RIMS2: variants seen among roughly 807,000 people sequenced by gnomAD.
The protein encoded by RIMS2 is regulating synaptic membrane exocytosis 2, also known as regulating synaptic membrane exocytosis protein 2.
In RIMS2, 59 loss-of-function variants were observed where a neutral mutation model predicts 174.4. The ratio of observed to expected loss-of-function variants is 0.34; its 90% confidence interval spans 0.27 to 0.42. RIMS2 has a LOEUF of 0.42. Ranked by LOEUF, RIMS2 falls within the 10% of genes least tolerant of loss-of-function variation. The pLI, the probability that RIMS2 is intolerant of heterozygous loss-of-function variation, is 1.00. For synonymous variants in RIMS2, 606 were observed against 572.5 expected, an observed-to-expected ratio of 1.06 and a Z score of -0.84; for missense variants, 1,620 against 1,666.3, an observed-to-expected ratio of 0.97 and a Z score of 0.48.
intron 4 of RIMS2, among the ~76,000 whole-genome samples, chr8:103,896,294 A>G (rs993619707): frequency 6.6e-6 from 1 of 151,642 alleles, no homozygotes; most frequent in African/African-American, 2.4e-5. Flanking sequence ...CTGGTAGCAA[A>G]AAAGCTGCTG....
intron 3 of RIMS2, among the ~76,000 whole-genome samples, chr8:103,771,761 A>AT (rs1260424704): frequency 4.6e-5 from 7 of 151,856 alleles, no homozygotes; most frequent in Admixed American, 6.6e-5. Flanking sequence ...CTCTTTCACT[A>AT]TTTTTTTCCT....
At chr8:103,553,719 A>T (rs1177564144) in intron 1 of RIMS2, among the ~76,000 whole-genome samples, 1 of 152,086 alleles carries the variant, frequency 6.6e-6, no homozygotes, top group Non-Finnish European at 1.5e-5. Flanking sequence ...ATTCATATGG[A>T]ACCAAAAAAG....
chr8:104,188,237 A>AGATGATAGATAGATAGAT (rs1280303732), intron 19 of RIMS2, among the ~76,000 whole-genome samples: 9 of 138,872 alleles, frequency 6.5e-5, no homozygotes, highest in African/African-American at 2.0e-4. Context: ...ATAGATAGAT[A>AGATGATAGATAGATAGAT]GATAGATAGA....
chr8:103,678,073 G>A (rs2096837292), intron 1 of RIMS2, among the ~76,000 whole-genome samples: 1 of 152,098 alleles, frequency 6.6e-6, no homozygotes, highest in African/African-American at 2.4e-5. Context: ...AAACTTATAA[G>A]GAGCCAGCTG....
At chr8:103,532,173 A>G (rs1490951685) in intron 1 of RIMS2, among the ~76,000 whole-genome samples, 1 of 152,196 alleles carries the variant, frequency 6.6e-6, no homozygotes, top group African/African-American at 2.4e-5. Flanking sequence ...ATTGTACACA[A>G]ATATGATCTT....
At chr8:103,509,546 A>G (rs1293917413) in intron 1 of RIMS2, among the ~76,000 whole-genome samples, 1 of 152,094 alleles carries the variant, frequency 6.6e-6, no homozygotes, top group Non-Finnish European at 1.5e-5. Flanking sequence ...TGGAAATGAC[A>G]TGTGGAAGTT....
intron 1 of RIMS2, chr8:103,559,043 A>G (rs28736323): frequency 0.35 from 24,574 of 70,410 alleles, 2,687 homozygotes; most frequent in African/African-American, 0.46. Flanking sequence ...GTGGCCTTTC[A>G]GATATTTTTT....
chr8:103,552,850 C>T (rs1414713451), intron 1 of RIMS2, among the ~76,000 whole-genome samples: 4 of 152,164 alleles, frequency 2.6e-5, no homozygotes, highest in African/African-American at 4.8e-5. Context: ...AAAAAATGCT[C>T]ATCATTACTG....
At chr8:104,223,308 T>A (rs1340157395) in intron 19 of RIMS2, 3 of 941,746 alleles carry the variant, frequency 3.2e-6, no homozygotes, top group East Asian at 1.6e-4. Context: ...ATCAGCGGCA[T>A]CTCCCTGCGC....
intron 19 of RIMS2, among the ~76,000 whole-genome samples, chr8:104,199,395 T>C (rs2099042910): frequency 6.6e-6 from 1 of 152,188 alleles, no homozygotes; most frequent in South Asian, 2.1e-4. Context: ...ATTTTCTTGG[T>C]TTAAATTTCC....
intron 2 of RIMS2, among the ~76,000 whole-genome samples, chr8:103,762,020 ATTT>A (rs201961741): frequency 7.2e-6 from 1 of 139,782 alleles, no homozygotes. Flanking sequence ...CCTAATGTAA[ATTT>A]TTTTTTTTTT....
At position 103,819,414 on chromosome 8, in the gene RIMS2, T is replaced by C. The variant is rs878937865; in HGVS notation, c.698+52877T>C. ...AGCTCAGGAGAAATATGGAACTTGA[T>C]TGGCGTGTTTTTATTTGATGGTGTC... On this transcript the variant is annotated intron_variant, in intron 3 of 23. Transcript: ENST00000504942. The C allele has an allele frequency of 3.2e-6, 5 of 1,582,276 alleles. No homozygotes were observed. In the South Asian group the frequency reaches 4.6e-5, roughly 14 times the overall value.
At chr8:104,167,941 G>A (rs1172211442) in intron 19 of RIMS2, among the ~76,000 whole-genome samples, 2 of 152,004 alleles carry the variant, frequency 1.3e-5, no homozygotes, top group Admixed American at 6.6e-5. Flanking sequence ...CCCAATTTAT[G>A]TTTTTGTTTG....
At chr8:104,170,217 T>G (rs955828903) in intron 19 of RIMS2, among the ~76,000 whole-genome samples, 2 of 152,068 alleles carry the variant, frequency 1.3e-5, no homozygotes, top group East Asian at 3.9e-4. Flanking sequence ...ATTTTTTTGT[T>G]GTTGTTGACT....
At chr8:104,194,546 C>T (rs952467469) in intron 19 of RIMS2, among the ~76,000 whole-genome samples, 1 of 152,038 alleles carries the variant, frequency 6.6e-6, no homozygotes, top group African/African-American at 2.4e-5. Context: ...CAATCTTGCT[C>T]TTGAAGTTCA....
intron 14 of RIMS2, among the ~76,000 whole-genome samples, chr8:103,946,385 A>G (rs2083775697): frequency 6.6e-6 from 1 of 152,074 alleles, no homozygotes; most frequent in South Asian, 2.1e-4. Flanking sequence ...ACAGCTACTC[A>G]GGAAGCTGAA....
chr8:103,661,652 C>T (rs749677931), intron 1 of RIMS2, among the ~76,000 whole-genome samples: 3 of 152,084 alleles, frequency 2.0e-5, no homozygotes, highest in Non-Finnish European at 1.5e-5. Flanking sequence ...TACAGGCACA[C>T]GCCGCCACCC....
chr8:103,930,830 A>G (rs17817125), intron 11 of RIMS2, among the ~76,000 whole-genome samples: 19,285 of 152,116 alleles, frequency 0.13, 1,689 homozygotes, highest in Non-Finnish European at 0.19. Context: ...ACATTTACTT[A>G]AAAATTCCCT....
intron 15 of RIMS2, among the ~76,000 whole-genome samples, chr8:103,973,516 A>G (rs80089695): frequency 0.011 from 1,624 of 152,322 alleles, 38 homozygotes; most frequent in African/African-American, 0.037. Flanking sequence ...TTACTATATA[A>G]TAGGAGTCTA....
Sources: allele counts gnomAD v4.1 joint callset (sites outside exome capture counted in the v4.1 genomes callset), GRCh38; gene constraint gnomAD v4.1.1; transcripts MANE v1.5; gene names NCBI Gene and HGNC (gene_info 2026-07-23, HGNC 2026-07-21).